The following PARD3B variants were observed in gnomAD, a reference collection of about 807,000 sequenced individuals.
PARD3B encodes the protein partitioning defective 3 homolog B.
PARD3B carries 103 observed loss-of-function variants against 130.2 expected under a neutral mutation model. The observed-to-expected ratio is 0.79, with a 90% CI of 0.67 to 0.93. The LOEUF (loss-of-function observed/expected upper bound fraction) is 0.93, where lower values mean the gene tolerates loss of function less well. Among genes scored for constraint, PARD3B ranks in the 40% least tolerant of loss-of-function variants. PARD3B has a pLI of 0.00. For missense variants in PARD3B, 1,609 were observed against 1,499.2 expected (o/e 1.07, Z -1.21); for synonymous variants, 583 against 553.2 (o/e 1.05, Z -0.76).
At chr2:205,381,720 A>G (rs1438820744) in intron 18 of PARD3B, among the ~76,000 whole-genome samples, 2 of 152,042 alleles carry the variant, frequency 1.3e-5, no homozygotes, top group African/African-American at 4.8e-5. Flanking sequence ...TTGGTAGACA[A>G]TTAAATTAAT....
At position 205,183,890 on chromosome 2, in the gene PARD3B, C is replaced by A. The variant is rs1040011067; in HGVS notation, c.1925-1874C>A. Among the ~76,000 whole-genome samples, 5 of 152,026 alleles carry A rather than the reference C, an allele frequency of 3.3e-5. No individual in the cohort carries two copies. Among genetic ancestry groups the A allele is most frequent in the Non-Finnish European group, 5.9e-5 (4 of 68,008 alleles). On this transcript the variant is annotated intron_variant, in intron 13 of 22. Transcript: ENST00000406610. This position sits in a 1 kb window ranked among gnomAD's most constrained non-coding sequence, Gnocchi z 5.2. ...GAAGAGTTGATGGTGCAGATTGAGT[C>A]TGAAGGCCGGAGAACCAGAAAAGCT...
Position 205,028,585 on chromosome 2 carries a change from G to A in PARD3B, c.395-18996G>A, listed in dbSNP as rs544007570. Among the ~76,000 whole-genome samples, 4 of 152,142 alleles carry A rather than the reference G, an allele frequency of 2.6e-5. 1 individual carries two copies. Among genetic ancestry groups the A allele is most frequent in the African/African-American group, 9.6e-5 (4 of 41,522 alleles). On this transcript the variant is annotated intron_variant, in intron 3 of 22. Transcript: ENST00000406610. The stretch of plus-strand genomic sequence containing the variant: ...TCAGCCTGAGTGAGGTCCCACTAGC[G>A]GCCTTCCCTTCAGAGACCTCTAAGA...
intron 2 of PARD3B, among the ~76,000 whole-genome samples, chr2:204,802,414 A>G (rs1368584401): frequency 6.6e-6 from 1 of 152,206 alleles, no homozygotes; most frequent in African/African-American, 2.4e-5. Flanking sequence ...TAGCTCAACC[A>G]TTGTGGAAGA....
intron 2 of PARD3B, among the ~76,000 whole-genome samples, chr2:204,897,179 G>A (rs1028371307): frequency 1.3e-5 from 2 of 151,868 alleles, no homozygotes; most frequent in Non-Finnish European, 2.9e-5. Flanking sequence ...TTTCTATAAG[G>A]GCTTAGACAT....
rs2047672499 is a variant in PARD3B, at chr2:205,440,448, A to G, written c.2820A>G (p.Ser940=). Residue 940 remains serine, a synonymous_variant, in exon 20 of 23, where the codon TCA becomes TCG. Coordinates refer to ENST00000406610, the MANE Select transcript of PARD3B (RefSeq NM_001302769.2). This position sits in a 1 kb window ranked among gnomAD's most constrained non-coding sequence, Gnocchi z 4.2. Reference sequence around the variant, plus strand: ...ATTATGCTACTGGTGCAATTGGATCAGTGTATGATATGGATGATGATGAAA... The same window carrying G: ...ATTATGCTACTGGTGCAATTGGATCGGTGTATGATATGGATGATGATGAAA... ...LLDYATGAIG[S]VYDMDDDEMD... is the part of the protein sequence containing the mutation. 6.2e-7 allele frequency: 1 copy of G among 1,613,990 alleles called. No individual in the cohort carries two copies. Among genetic ancestry groups the G allele is most frequent in the Non-Finnish European group, 8.5e-7 (1 of 1,179,974 alleles).
chr2:205,099,249 G>C (rs1026578833), intron 4 of PARD3B, among the ~76,000 whole-genome samples: 1 of 152,036 alleles, frequency 6.6e-6, no homozygotes, highest in African/African-American at 2.4e-5. Context: ...ATTAATTATA[G>C]AGCGTCCAAA....
rs2048335967 is a variant in PARD3B, at chr2:205,458,163, C to G, written c.3044+17491C>G. ...TATGTTTAAACCTGATTAGGATTTG[C>G]AGAGCTTCTTAAATCTGTGCTTTAG... is the stretch of plus-strand genomic sequence containing the variant. On this transcript the variant is annotated intron_variant, in intron 20 of 22. Transcript: ENST00000406610. This position sits in a 1 kb window ranked among gnomAD's most constrained non-coding sequence, Gnocchi z 4.8. Among the ~76,000 whole-genome samples the G allele has an allele frequency of 6.6e-6, 1 of 152,118 alleles. No homozygotes were observed. Among genetic ancestry groups the G allele is most frequent in the Admixed American group, 6.6e-5 (1 of 15,238 alleles).
chr2:204,813,222 T>A (rs2043026259), intron 2 of PARD3B, among the ~76,000 whole-genome samples: 1 of 152,330 alleles, frequency 6.6e-6, no homozygotes, highest in African/African-American at 2.4e-5. Flanking sequence ...GTATAGTTAA[T>A]CTTTTTAATT....
In PARD3B at chr2:205,018,783, C is replaced by T. The variant is rs1052670505; in HGVS notation, c.395-28798C>T. ...GATTAATAAAATATGCTTTTTGTTT[C>T]TTTCACCTATAGTTGTTTCATGAAA... is the stretch of plus-strand genomic sequence containing the variant. On this transcript the variant is annotated intron_variant, in intron 3 of 22. Transcript: ENST00000406610. 1.2e-3 allele frequency among the ~76,000 whole-genome samples: 118 copies of T among 99,120 alleles called. 1 individual carries two copies. The highest frequency in any genetic ancestry group is 4.0e-3 in the African/African-American group (101 of 25,478). The allele number at this position is 99,120 out of a possible 152,430, so 65.0% of individuals were successfully genotyped here.
intron 18 of PARD3B, among the ~76,000 whole-genome samples, chr2:205,349,719 A>C (rs1251325335): frequency 6.6e-6 from 1 of 151,960 alleles, no homozygotes; most frequent in Non-Finnish European, 1.5e-5. Context: ...GTTACCTAAC[A>C]TCTTCCTAGT....
In PARD3B at chr2:204,715,552, C is replaced by T. The variant is rs564359447; in HGVS notation, c.222+29270C>T. Among the ~76,000 whole-genome samples, 13 of 148,212 alleles carry T rather than the reference C, an allele frequency of 8.8e-5. No homozygotes were observed. In the East Asian group the frequency reaches 1.8e-3, roughly 21 times the overall value. ...GTTTCTGGCACTTGATCAGTTAAAA[C>T]GTAAATCGTAAGCCAAACTACTTTC... On this transcript the variant is annotated intron_variant, in intron 2 of 22. Coordinates refer to ENST00000406610, the MANE Select transcript of PARD3B (RefSeq NM_001302769.2).
intron 1 of PARD3B, among the ~76,000 whole-genome samples, chr2:204,557,323 C>G (rs1450254870): frequency 6.6e-6 from 1 of 152,172 alleles, no homozygotes; most frequent in East Asian, 1.9e-4. Flanking sequence ...TAGCCTGTTA[C>G]TGCGCACATG....
intron 19 of PARD3B, among the ~76,000 whole-genome samples, chr2:205,417,843 GC>G (rs1281709609): frequency 6.6e-6 from 1 of 152,192 alleles, no homozygotes; most frequent in Non-Finnish European, 1.5e-5. Flanking sequence ...CTGGAAGCTG[GC>G]CTTCTCCGGG....
intron 22 of PARD3B, among the ~76,000 whole-genome samples, chr2:205,598,273 G>A (rs1486400950): frequency 6.6e-6 from 1 of 151,904 alleles, no homozygotes; most frequent in Admixed American, 6.6e-5. Context: ...GGCGAAAGAT[G>A]TATCTTGCAA....
intron 2 of PARD3B, among the ~76,000 whole-genome samples, chr2:204,863,652 C>G (rs1203827387): frequency 1.9e-4 from 29 of 152,190 alleles, no homozygotes; most frequent in Admixed American, 1.9e-3. Flanking sequence ...TGCAAATAAA[C>G]TTTGGTAAGA....
At chr2:205,491,182 C>A (rs4613255) in intron 20 of PARD3B, among the ~76,000 whole-genome samples, 60,684 of 151,812 alleles carry the variant, frequency 0.4, 12,643 homozygotes, top group Admixed American at 0.49. Context: ...GTCCTTGCCC[C>A]TGCCTATGTC....
intron 22 of PARD3B, among the ~76,000 whole-genome samples, chr2:205,595,262 A>C (rs528055068): frequency 6.6e-5 from 10 of 152,188 alleles, no homozygotes; most frequent in Non-Finnish European, 1.3e-4. Context: ...GGACAAATGA[A>C]CCTAGTTCCA....
chr2:205,090,628 A>G (rs1447812981), intron 4 of PARD3B, among the ~76,000 whole-genome samples: 1 of 152,214 alleles, frequency 6.6e-6, no homozygotes, highest in Non-Finnish European at 1.5e-5. Flanking sequence ...AGTATCCACT[A>G]TAAACTAAGC....
chr2:205,359,951 C>G (rs144542593), intron 18 of PARD3B, among the ~76,000 whole-genome samples: 1 of 152,150 alleles, frequency 6.6e-6, no homozygotes, highest in African/African-American at 2.4e-5. Context: ...AGGATAAATG[C>G]ATTTTTTAAA....
Sources: gnomAD v4.1 joint callset for allele counts (sites outside exome capture counted in the v4.1 genomes callset) on GRCh38, gnomAD v4.1.1 for gene constraint, Gnocchi (gnomAD v3.1) non-coding constraint, MANE v1.5 for transcripts, NCBI Gene and HGNC (gene_info 2026-07-23, HGNC 2026-07-21) for gene names.